Variants in LOC400499 observed in about 807,000 individuals in gnomAD.
At chr16:11,525,147 G>T in the LOC400499 span, among the ~76,000 whole-genome samples, 1 of 152,032 alleles carries the variant, frequency 6.6e-6, no homozygotes, top group Non-Finnish European at 1.5e-5. Flanking sequence ...AGCCGGGCGT[G>T]GTGGTGCACA....
chr16:11,461,772 G>T, the LOC400499 span, among the ~76,000 whole-genome samples: 4 of 152,156 alleles, frequency 2.6e-5, no homozygotes, highest in Non-Finnish European at 5.9e-5. Context: ...GAACACCCAT[G>T]AGCGGCACAC....
At chr16:11,460,950 A>C in the LOC400499 span, 4 of 1,519,438 alleles carry the variant, frequency 2.6e-6, no homozygotes, top group East Asian at 9.8e-5. Flanking sequence ...GCAACCAGGC[A>C]CGCAGTGCCT....
the LOC400499 span, chr16:11,516,203 C>T: frequency 2.5e-5 from 10 of 399,742 alleles, no homozygotes; most frequent in Non-Finnish European, 4.0e-5. Flanking sequence ...CAGCACAGCA[C>T]GCTTCACGTT....
chr16:11,457,031 C>A, the LOC400499 span: 4 of 1,526,138 alleles, frequency 2.6e-6, no homozygotes, highest in South Asian at 1.2e-5. Context: ...CAGGCACCTG[C>A]AGCACAAACT....
At chr16:11,464,757 G>C in the LOC400499 span, among the ~76,000 whole-genome samples, 3 of 152,342 alleles carry the variant, frequency 2.0e-5, no homozygotes, top group South Asian at 2.1e-4. Context: ...GACGGAACTA[G>C]AATTTCTCCA....
the LOC400499 span, chr16:11,500,948 C>G: frequency 2.3e-5 from 9 of 398,972 alleles, no homozygotes; most frequent in Non-Finnish European, 4.0e-5. Flanking sequence ...CACAGGAAGG[C>G]AGGGCATCCA....
At chr16:11,477,483 T>G in the LOC400499 span, among the ~76,000 whole-genome samples, 1 of 152,178 alleles carries the variant, frequency 6.6e-6, no homozygotes, top group African/African-American at 2.4e-5. Context: ...AGCACCAGGC[T>G]TGGTTGGTCG....
the LOC400499 span, chr16:11,500,768 G>A: frequency 7.0e-5 from 28 of 399,054 alleles, no homozygotes; most frequent in African/African-American, 5.7e-4. Flanking sequence ...CACGGAGGGA[G>A]GACACCGGGG....
At chr16:11,491,187 G>A in the LOC400499 span, among the ~76,000 whole-genome samples, 1 of 152,164 alleles carries the variant, frequency 6.6e-6, no homozygotes, top group Non-Finnish European at 1.5e-5. Flanking sequence ...TTGAACCTGG[G>A]TTCTCAGGCT....
the LOC400499 span, chr16:11,456,854 C>T: frequency 1.3e-6 from 2 of 1,536,286 alleles, no homozygotes; most frequent in Non-Finnish European, 1.7e-6. Context: ...ACAGCCAACA[C>T]TCACCTTCCC....
At chr16:11,427,975 C>T in the LOC400499 span, among the ~76,000 whole-genome samples, 29 of 152,186 alleles carry the variant, frequency 1.9e-4, no homozygotes, top group Admixed American at 7.2e-4. Context: ...GACCCCAAGA[C>T]AGGCTTCTTG....
the LOC400499 span, among the ~76,000 whole-genome samples, chr16:11,429,619 G>A: frequency 3.3e-5 from 5 of 151,980 alleles, no homozygotes; most frequent in African/African-American, 9.7e-5. Context: ...GACTACAGGC[G>A]TGTACCGCCA....
chr16:11,459,793 G>T, the LOC400499 span: 3 of 1,153,420 alleles, frequency 2.6e-6, no homozygotes, highest in Middle Eastern at 2.7e-4. Context: ...TCAGCTGCTT[G>T]CATCCTTGTA....
chr16:11,384,872 T>G, the LOC400499 span: 1 of 1,232,240 alleles, frequency 8.1e-7, no homozygotes, highest in Non-Finnish European at 1.0e-6. Flanking sequence ...CCAACCCTCC[T>G]GGGGCCCAGA....
At chr16:11,415,592 A>T in the LOC400499 span, among the ~76,000 whole-genome samples, 7,103 of 152,242 alleles carry the variant, frequency 0.047, 569 homozygotes, top group African/African-American at 0.16. Context: ...TACCTACTAC[A>T]TGCAGGGCAC....
chr16:11,454,858 A>G, the LOC400499 span, among the ~76,000 whole-genome samples: 1 of 152,220 alleles, frequency 6.6e-6, no homozygotes, highest in African/African-American at 2.4e-5. Flanking sequence ...AGGGATTGTG[A>G]CCCAGAGGAG....
At chr16:11,526,827 G>A in the LOC400499 span, among the ~76,000 whole-genome samples, 1 of 152,144 alleles carries the variant, frequency 6.6e-6, no homozygotes, top group Non-Finnish European at 1.5e-5. Context: ...AGTGGGTCCA[G>A]AAGGCAGCAT....
At chr16:11,407,739 G>T in the LOC400499 span, among the ~76,000 whole-genome samples, 1 of 151,910 alleles carries the variant, frequency 6.6e-6, no homozygotes, top group Non-Finnish European at 1.5e-5. Context: ...ACCACTGAGA[G>T]GTGAGTGATC....
the LOC400499 span, among the ~76,000 whole-genome samples, chr16:11,373,182 C>T: frequency 5.9e-5 from 9 of 152,284 alleles, no homozygotes; most frequent in Non-Finnish European, 1.3e-4. Context: ...ATCTTCAGTA[C>T]AGCATGCAGT....
Sources: allele counts gnomAD v4.1 joint callset (sites outside exome capture counted in the v4.1 genomes callset), GRCh38; gene constraint gnomAD v4.1.1; transcripts MANE v1.5.